HPSE2: variants seen among roughly 807,000 people sequenced by gnomAD.
HPSE2 encodes inactive heparanase-2.
Under a neutral mutation model 60.5 loss-of-function variants are expected in HPSE2, and 38 were observed. The observed-to-expected ratio is 0.63, with a 90% CI of 0.48 to 0.82. The LOEUF (loss-of-function observed/expected upper bound fraction) is 0.82. HPSE2 is among the 40% of genes least tolerant of loss of function. The pLI, the probability that HPSE2 is intolerant of heterozygous loss-of-function variation, is 0.00. For missense variants in HPSE2, 713 were observed against 740.4 expected, an observed-to-expected ratio of 0.96 and a Z score of 0.43; for synonymous variants, 295 against 293.2, an observed-to-expected ratio of 1.01 and a Z score of -0.06.
chr10:98,799,632 T>G (rs986361611), intron 3 of HPSE2, among the ~76,000 whole-genome samples: 5 of 151,998 alleles, frequency 3.3e-5, no homozygotes, highest in Admixed American at 2.6e-4. Context: ...ACAAGAGGAA[T>G]TTTGGACACT....
the HPSE2 span, among the ~76,000 whole-genome samples, chr10:99,274,202 C>T: frequency 2.0e-5 from 3 of 152,028 alleles, no homozygotes; most frequent in African/African-American, 7.2e-5. Context: ...AAAAAATTAG[C>T]CAGGCGTGGT....
intron 3 of HPSE2, among the ~76,000 whole-genome samples, chr10:98,749,617 G>C (rs144893055): frequency 2.6e-5 from 4 of 151,082 alleles, no homozygotes; most frequent in African/African-American, 9.7e-5. Context: ...AGTAGAAATC[G>C]TACTTCAAAT....
At chr10:99,132,929 C>A (rs1354818763) in intron 3 of HPSE2, among the ~76,000 whole-genome samples, 1 of 152,126 alleles carries the variant, frequency 6.6e-6, no homozygotes, top group Non-Finnish European at 1.5e-5. Flanking sequence ...AGCCAGGGAG[C>A]CAAGTGGTCT....
chr10:98,798,415 C>T (rs1328330672), intron 3 of HPSE2, among the ~76,000 whole-genome samples: 1 of 152,088 alleles, frequency 6.6e-6, no homozygotes, highest in Non-Finnish European at 1.5e-5. Context: ...ACAGTAAGCA[C>T]ACATGAAAAC....
At chr10:99,201,211 G>C (rs1399551178) in intron 2 of HPSE2, among the ~76,000 whole-genome samples, 1 of 151,994 alleles carries the variant, frequency 6.6e-6, no homozygotes, top group Admixed American at 6.6e-5. Flanking sequence ...TAATTGCAAA[G>C]GATATTATCC....
intron 3 of HPSE2, among the ~76,000 whole-genome samples, chr10:98,893,535 T>C (rs1001732770): frequency 3.9e-5 from 6 of 152,082 alleles, no homozygotes; most frequent in Non-Finnish European, 8.8e-5. Flanking sequence ...GGAGATCAAA[T>C]ATTAAAAGAA....
intron 11 of HPSE2, among the ~76,000 whole-genome samples, 187 bp from the exon 12 acceptor site, chr10:98,459,926 A>AC (rs34700526): frequency 6.6e-6 from 1 of 151,228 alleles, no homozygotes; most frequent in East Asian, 1.9e-4. Context: ...CATCCCAACA[A>AC]CCCCCCCACT....
intron 7 of HPSE2, 102 bp downstream of exon 7, chr10:98,641,745 A>G (rs1946642387): frequency 6.9e-6 from 6 of 874,344 alleles, no homozygotes; most frequent in South Asian, 2.6e-5. Flanking sequence ...CTATTTTTCT[A>G]CTCTGGTTCC....
chr10:98,893,847 G>C (rs1953406818), intron 3 of HPSE2, among the ~76,000 whole-genome samples: 1 of 151,124 alleles, frequency 6.6e-6, no homozygotes, highest in Non-Finnish European at 1.5e-5. Flanking sequence ...TCAGACAGAG[G>C]ATCCCTATAT....
intron 2 of HPSE2, among the ~76,000 whole-genome samples, chr10:99,231,656 G>C (rs142856586): frequency 6.6e-6 from 1 of 151,658 alleles, no homozygotes; most frequent in Non-Finnish European, 1.5e-5. Context: ...ATCTAATCCC[G>C]TCAGGAAAGA....
intron 3 of HPSE2, among the ~76,000 whole-genome samples, chr10:98,946,363 A>G (rs963145620): frequency 5.9e-5 from 9 of 151,292 alleles, no homozygotes; most frequent in Non-Finnish European, 1.0e-4. Context: ...CTACTCACTA[A>G]TTGGGAGGCT....
the HPSE2 span, among the ~76,000 whole-genome samples, chr10:99,265,749 A>C: frequency 6.6e-6 from 1 of 152,210 alleles, no homozygotes; most frequent in Admixed American, 6.5e-5. Context: ...GAGAGTCCAC[A>C]GACCCTTTGA....
intron 3 of HPSE2, among the ~76,000 whole-genome samples, chr10:98,915,041 C>A (rs1954079576): frequency 6.6e-6 from 1 of 151,534 alleles, no homozygotes; most frequent in African/African-American, 2.4e-5. Flanking sequence ...TATGCCAAAT[C>A]ATTGACTGCT....
intron 3 of HPSE2, among the ~76,000 whole-genome samples, chr10:98,822,737 G>A (rs2134618747): frequency 6.6e-6 from 1 of 152,294 alleles, no homozygotes; most frequent in East Asian, 1.9e-4. Flanking sequence ...ATAACGCTAT[G>A]CAAACACTAA....
At chr10:99,296,975 A>G in the HPSE2 span, among the ~76,000 whole-genome samples, 1 of 152,182 alleles carries the variant, frequency 6.6e-6, no homozygotes, top group Admixed American at 6.5e-5. Flanking sequence ...AATTGACGAG[A>G]TGAGGAGCAG....
At chr10:98,527,945 A>C (rs1169853482) in intron 9 of HPSE2, among the ~76,000 whole-genome samples, 1 of 152,170 alleles carries the variant, frequency 6.6e-6, no homozygotes, top group Non-Finnish European at 1.5e-5. Context: ...AAACTGAACT[A>C]TGTATTTTAA....
At chr10:98,513,836 A>C (rs1942501266) in intron 9 of HPSE2, among the ~76,000 whole-genome samples, 1 of 152,170 alleles carries the variant, frequency 6.6e-6, no homozygotes, top group Non-Finnish European at 1.5e-5. Flanking sequence ...CCACTAGGTA[A>C]AAGTTTGGTG....
Position 98,658,124 on chromosome 10 carries a change from G to C in HPSE2, c.1005-16184C>G, listed in dbSNP as rs1032748695. 7.9e-5 allele frequency among the ~76,000 whole-genome samples: 12 copies of C among 152,160 alleles called. No homozygotes were observed. In the East Asian group the frequency reaches 2.1e-3, roughly 27 times the overall value. ...GATCAGAAAAGTGGAGGCAGTTTTG[G>C]GGTTATAGGGTAAAGTATGGGCCTA... On this transcript the variant is annotated intron_variant, in intron 6 of 11. Transcript: ENST00000370552.
intron 3 of HPSE2, among the ~76,000 whole-genome samples, chr10:99,042,286 C>T (rs1183652753): frequency 1.3e-5 from 2 of 152,140 alleles, no homozygotes; most frequent in Non-Finnish European, 2.9e-5. Flanking sequence ...CTGCCCCACC[C>T]TTGGCCAGAC....
Sources: gnomAD v4.1 joint callset for allele counts (sites outside exome capture counted in the v4.1 genomes callset) on GRCh38, gnomAD v4.1.1 for gene constraint, MANE v1.5 for transcripts, NCBI Gene and HGNC (gene_info 2026-07-23, HGNC 2026-07-21) for gene names.